SAMMSON: variants seen among roughly 807,000 people sequenced by gnomAD.
The protein encoded by SAMMSON is long intergenic non-protein coding RNA 1212.
At chr3:70,054,058 C>G (rs1218478124) in intron 3 of SAMMSON, among the ~76,000 whole-genome samples, 4 of 152,092 alleles carry the variant, frequency 2.6e-5, no homozygotes, top group African/African-American at 9.7e-5. Context: ...TTGGCAAACA[C>G]TTACCATTTA....
intron 3 of SAMMSON, chr3:70,025,240 A>G (rs964286286): frequency 2.6e-5 from 4 of 151,944 alleles, no homozygotes; most frequent in Non-Finnish European, 5.9e-5. Flanking sequence ...GTTTTATTTT[A>G]TTTTTATTTA....
At chr3:70,252,634 G>C (rs1701780172) in intron 6 of SAMMSON, among the ~76,000 whole-genome samples, 1 of 152,098 alleles carries the variant, frequency 6.6e-6, no homozygotes, top group Admixed American at 6.6e-5. Flanking sequence ...ATTTATAGGA[G>C]GTAACTATTT....
chr3:70,121,043 G>C (rs2067430805), intron 4 of SAMMSON, among the ~76,000 whole-genome samples: 1 of 152,242 alleles, frequency 6.6e-6, no homozygotes, highest in Admixed American at 6.5e-5. Flanking sequence ...GGGGTCATGA[G>C]AGACAGTGAC....
chr3:70,184,920 G>A (rs1488405414), intron 4 of SAMMSON, among the ~76,000 whole-genome samples: 1 of 152,158 alleles, frequency 6.6e-6, no homozygotes, highest in Non-Finnish European at 1.5e-5. Flanking sequence ...TTCCCTGTAA[G>A]ACAGCGCTAT....
chr3:70,194,888 A>AG (rs1701161251), intron 4 of SAMMSON, among the ~76,000 whole-genome samples: 2 of 152,098 alleles, frequency 1.3e-5, no homozygotes, highest in Non-Finnish European at 2.9e-5. Flanking sequence ...CCACGGGTAG[A>AG]GGGGTGGGTG....
At chr3:70,258,290 C>A (rs1177039601) in intron 6 of SAMMSON, among the ~76,000 whole-genome samples, 3 of 151,988 alleles carry the variant, frequency 2.0e-5, no homozygotes, top group Admixed American at 1.3e-4. Context: ...AATAAATTGG[C>A]TTTCATCAAA....
intron 4 of SAMMSON, among the ~76,000 whole-genome samples, chr3:70,175,800 C>A (rs1268397266): frequency 6.6e-6 from 1 of 152,042 alleles, no homozygotes; most frequent in African/African-American, 2.4e-5. Flanking sequence ...ACACTCCTAG[C>A]ACAAAATTTC....
intron 4 of SAMMSON, among the ~76,000 whole-genome samples, chr3:70,135,663 A>G (rs959097942): frequency 5.3e-5 from 8 of 152,232 alleles, no homozygotes; most frequent in Admixed American, 2.0e-4. Flanking sequence ...CCCACGGTTA[A>G]TATCAGTGCA....
chr3:70,183,646 CT>C (rs950371555), intron 4 of SAMMSON: 14 of 152,184 alleles, frequency 9.2e-5, no homozygotes, highest in African/African-American at 3.4e-4. Context: ...ACAGTGTCCC[CT>C]GGGGTGTCCA....
rs186865314 is a variant in SAMMSON at position 70,102,483 on chromosome 3, C to T, written n.507+30918C>T. Among the ~76,000 whole-genome samples the T allele has an allele frequency of 9.2e-5, 14 of 152,292 alleles. No individual in the cohort carries two copies. In the East Asian group the frequency reaches 9.7e-4, roughly 11 times the overall value. ...TGGGATCTTTCTGAGAATCCCACTT[C>T]GTAGTTGAATGGAAAGACCATTGGA... On this transcript the variant is annotated intron_variant and non_coding_transcript_variant, in intron 4 of 9. Transcript: ENST00000642114.
chr3:70,420,460 C>T (rs1035008641), intron 2 of SAMMSON, among the ~76,000 whole-genome samples: 4 of 152,082 alleles, frequency 2.6e-5, no homozygotes, highest in African/African-American at 4.8e-5. Context: ...AATTAATGTA[C>T]GAGAACCACT....
chr3:70,303,928 CCTCCTCAGCT>C (rs1702375763), intron 7 of SAMMSON, among the ~76,000 whole-genome samples: 1 of 152,186 alleles, frequency 6.6e-6, no homozygotes, highest in Non-Finnish European at 1.5e-5. Context: ...AGTGATCCAT[CCTCCTCAGCT>C]TCTCAAGGTG....
chr3:70,121,552 A>G (rs1384269889), intron 4 of SAMMSON, among the ~76,000 whole-genome samples: 1 of 152,244 alleles, frequency 6.6e-6, no homozygotes, highest in African/African-American at 2.4e-5. Context: ...AGAAAAATAA[A>G]GACTTTCTTG....
intron 6 of SAMMSON, among the ~76,000 whole-genome samples, chr3:70,266,981 A>G (rs1216428027): frequency 5.3e-5 from 8 of 152,174 alleles, no homozygotes; most frequent in African/African-American, 7.2e-5. Flanking sequence ...ACATGCTTGG[A>G]TGGAGACTGC....
At chr3:70,412,140 C>G (rs1340260863) in intron 2 of SAMMSON, among the ~76,000 whole-genome samples, 1 of 152,050 alleles carries the variant, frequency 6.6e-6, no homozygotes, top group Non-Finnish European at 1.5e-5. Context: ...AAAGTAAAAG[C>G]AGTTAAACTT....
intron 4 of SAMMSON, among the ~76,000 whole-genome samples, chr3:70,149,517 G>C (rs553634373): frequency 6.6e-6 from 1 of 152,166 alleles, no homozygotes; most frequent in African/African-American, 2.4e-5. Flanking sequence ...CAGAAACTTG[G>C]CAGGGGGTAG....
At chr3:70,088,832 A>G (rs1049553192) in intron 4 of SAMMSON, among the ~76,000 whole-genome samples, 4 of 152,202 alleles carry the variant, frequency 2.6e-5, no homozygotes, top group African/African-American at 7.2e-5. Context: ...TCTCTATACA[A>G]TAAGGTAGAG....
chr3:70,297,919 G>A (rs1447639537), intron 7 of SAMMSON, among the ~76,000 whole-genome samples: 3 of 152,020 alleles, frequency 2.0e-5, no homozygotes, highest in Non-Finnish European at 2.9e-5. Flanking sequence ...TTTGTTTATG[G>A]TTTAAAGCTT....
intron 3 of SAMMSON, among the ~76,000 whole-genome samples, chr3:70,051,853 T>G (rs1479195940): frequency 1.3e-5 from 2 of 152,062 alleles, no homozygotes; most frequent in African/African-American, 4.8e-5. Flanking sequence ...ATCCCAGCAC[T>G]TTGGAAGGCT....
Sources: gnomAD v4.1 joint callset for allele counts (sites outside exome capture counted in the v4.1 genomes callset) on GRCh38, gnomAD v4.1.1 for gene constraint, MANE v1.5 for transcripts, NCBI Gene and HGNC (gene_info 2026-07-23, HGNC 2026-07-21) for gene names.